The following TXNDC8 variants were observed in gnomAD, a reference collection of about 807,000 sequenced individuals.
TXNDC8 encodes thioredoxin domain containing 8.
In TXNDC8, 15 loss-of-function variants were observed where a neutral mutation model predicts 12.9. The observed-to-expected ratio is 1.16, with a 90% CI of 0.78 to 1.79. TXNDC8 has a LOEUF of 1.79. TXNDC8 is among the 40% of genes most tolerant of loss of function. The pLI is 0.00. For synonymous variants in TXNDC8, 40 were observed against 35.4 expected, an observed-to-expected ratio of 1.13 and a Z score of -0.46; for missense variants, 128 against 113.2, an observed-to-expected ratio of 1.13 and a Z score of -0.59.
chr9:110,334,702 G>A (rs141993176), intron 1 of TXNDC8, among the ~76,000 whole-genome samples: 6 of 152,276 alleles, frequency 3.9e-5, no homozygotes, highest in East Asian at 3.9e-4. Flanking sequence ...AGTTGATAAC[G>A]GTGGTTACCT....
chr9:110,326,367 C>T (rs1839319254), intron 2 of TXNDC8, 127 bp from the exon 4 acceptor site: 3 of 781,246 alleles, frequency 3.8e-6, no homozygotes, highest in Admixed American at 4.6e-5. Context: ...TTTACAGACT[C>T]TCCTGCTATG....
chr9:110,306,148 T>C (rs754767299), intron 3 of TXNDC8, among the ~76,000 whole-genome samples: 19 of 152,202 alleles, frequency 1.2e-4, no homozygotes, highest in Non-Finnish European at 1.8e-4. Context: ...ATTACAGGTG[T>C]GAGCCACCAT....
intron 3 of TXNDC8, 59 bp from the exon 5 acceptor site, chr9:110,304,591 C>A: frequency 6.9e-7 from 1 of 1,459,472 alleles, no homozygotes; most frequent in Non-Finnish European, 9.4e-7. Flanking sequence ...TAACCATCTC[C>A]CCTATAACTG....
chr9:110,331,669 A>G (rs1209477305), intron 2 of TXNDC8, among the ~76,000 whole-genome samples: 1 of 152,172 alleles, frequency 6.6e-6, no homozygotes, highest in Non-Finnish European at 1.5e-5. Context: ...GGATGGTTTC[A>G]GGATGAAACT....
intron 3 of TXNDC8, among the ~76,000 whole-genome samples, chr9:110,319,990 T>A (rs4978901): frequency 0.15 from 23,421 of 152,238 alleles, 2,067 homozygotes; most frequent in Middle Eastern, 0.22. Context: ...ATTATTCATT[T>A]GTGACTAATT....
rs113371118 is a variant in TXNDC8 at position 110,307,787 on chromosome 9, G to A, written c.196-3255C>T. The stretch of plus-strand genomic sequence containing the variant: ...CCTATGACCTGGAAGCCCCCTCCCC[G>A]CTTCAAGTTGTCCTGCCTTTCCGGA... On this transcript the variant is annotated intron_variant, in intron 3 of 4. Transcript: ENST00000423740. 2.2e-3 allele frequency among the ~76,000 whole-genome samples: 340 copies of A among 152,214 alleles called. 2 individuals carry two copies. Among genetic ancestry groups the A allele is most frequent in the African/African-American group, 7.7e-3 (319 of 41,506 alleles).
chr9:110,311,528 T>C (rs1213178899), intron 3 of TXNDC8, among the ~76,000 whole-genome samples: 1 of 104,050 alleles, frequency 9.6e-6, no homozygotes, highest in Non-Finnish European at 1.7e-5. Flanking sequence ...GAGGTATATA[T>C]ATATATATAT....
chr9:110,334,165 G>A (rs774000445), intron 2 of TXNDC8, 51 bp downstream of exon 2: 1 of 1,453,918 alleles, frequency 6.9e-7, no homozygotes, highest in Non-Finnish European at 9.4e-7. Flanking sequence ...AAAATATTCT[G>A]GAACTTTAAA....
intron 3 of TXNDC8, chr9:110,322,913 G>A: frequency 1.0e-6 from 1 of 985,390 alleles, no homozygotes; most frequent in Non-Finnish European, 1.2e-6. Context: ...AATCAGACAT[G>A]ACCTCCTTCA....
chr9:110,314,552 C>T (rs1838810509), intron 3 of TXNDC8, among the ~76,000 whole-genome samples: 1 of 151,628 alleles, frequency 6.6e-6, no homozygotes, highest in African/African-American at 2.4e-5. Context: ...CCTGCCTCAG[C>T]CTCCGGAGTA....
At chr9:110,326,939 T>TACACACAC (rs1387220615) in intron 2 of TXNDC8, among the ~76,000 whole-genome samples, 2 of 24,086 alleles carry the variant, frequency 8.3e-5, no homozygotes, top group East Asian at 4.1e-4. Flanking sequence ...CTGCTACTCA[T>TACACACAC]GCACACACAC....
In TXNDC8 at chr9:110,323,746, C is replaced by T. The variant is rs1839198980; in HGVS notation, c.195+2429G>A. The T allele has an allele frequency of 3.3e-6, 4 of 1,200,290 alleles. No homozygotes were observed. The Admixed American group carries it at 7.4e-5, about 22-fold the overall frequency. 74.4% of individuals were successfully genotyped at this position (1,200,290 alleles called of 1,614,324 possible). ...GGGTGCAGTCAATGCCATTAGTACT[C>T]TTGGCTTGACTCTGTTTTCTTCTGT... On this transcript the variant is annotated intron_variant, in intron 3 of 4. Transcript: ENST00000423740.
chr9:110,327,341 AG>A (rs1564105725), intron 2 of TXNDC8, among the ~76,000 whole-genome samples: 5 of 127,074 alleles, frequency 3.9e-5, no homozygotes, highest in Admixed American at 1.5e-4. Flanking sequence ...TTTTTTTTTG[AG>A]ATGGAATTTC....
intron 3 of TXNDC8, among the ~76,000 whole-genome samples, chr9:110,314,437 TC>T (rs1297387504): frequency 1.8e-4 from 23 of 126,714 alleles, no homozygotes; most frequent in Middle Eastern, 4.3e-3. Context: ...TTTTCTTTTT[TC>T]TTTTTTTTTT....
chr9:110,306,238 A>G (rs1260110935), intron 3 of TXNDC8, among the ~76,000 whole-genome samples: 1 of 152,196 alleles, frequency 6.6e-6, no homozygotes, highest in Non-Finnish European at 1.5e-5. Flanking sequence ...ATCCTTGACA[A>G]CACTTGATAT....
intron 3 of TXNDC8, among the ~76,000 whole-genome samples, chr9:110,308,228 C>T (rs1838532827): frequency 6.6e-6 from 1 of 152,190 alleles, no homozygotes; most frequent in South Asian, 2.1e-4. Flanking sequence ...TAGAGTTTTA[C>T]TTGCTTCCAA....
At chr9:110,324,744 G>A (rs926394659) in intron 3 of TXNDC8, among the ~76,000 whole-genome samples, 1 of 152,112 alleles carries the variant, frequency 6.6e-6, no homozygotes, top group Non-Finnish European at 1.5e-5. Flanking sequence ...AGCATTTTGT[G>A]TCTCCTACAT....
At chr9:110,331,622 C>T (rs1839544998) in intron 2 of TXNDC8, among the ~76,000 whole-genome samples, 2 of 151,066 alleles carry the variant, frequency 1.3e-5, no homozygotes, top group Non-Finnish European at 3.0e-5. Context: ...GGACCAGTTT[C>T]ATGGAAGACA....
intron 2 of TXNDC8, among the ~76,000 whole-genome samples, chr9:110,327,679 C>T (rs1254787395): frequency 6.6e-6 from 1 of 152,130 alleles, no homozygotes; most frequent in Non-Finnish European, 1.5e-5. Context: ...GCAGTGAAAG[C>T]AGCCAGAGAT....
Sources: allele counts gnomAD v4.1 joint callset (sites outside exome capture counted in the v4.1 genomes callset), GRCh38; gene constraint gnomAD v4.1.1; transcripts MANE v1.5; gene names NCBI Gene and HGNC (gene_info 2026-07-23, HGNC 2026-07-21).